The following SYT1 variants were observed in gnomAD, a reference collection of about 807,000 sequenced individuals.
SYT1 encodes the protein synaptotagmin 1.
SYT1 carries 8 observed loss-of-function variants against 44.8 expected under a neutral mutation model. That is an observed-to-expected ratio of 0.18 (90% CI 0.10 to 0.32). The LOEUF is 0.32. SYT1 is among the 10% of genes least tolerant of loss of function. The probability of loss-of-function intolerance (pLI) is 1.00; values close to 1 mark genes in which losing one functional copy is unlikely to be tolerated. For synonymous variants in SYT1, 154 were observed against 188.8 expected (o/e 0.82, Z 1.51); for missense variants, 286 against 509.3 (o/e 0.56, Z 4.22).
chr12:79,058,521 A>T (rs975180830), intron 3 of SYT1, among the ~76,000 whole-genome samples: 1 of 151,996 alleles, frequency 6.6e-6, no homozygotes, highest in Non-Finnish European at 1.5e-5. Context: ...TTTGGTTTCC[A>T]ATTTTCTAAC....
chr12:79,058,331 C>T (rs1379741764), intron 3 of SYT1, among the ~76,000 whole-genome samples: 1 of 152,054 alleles, frequency 6.6e-6, no homozygotes, highest in Non-Finnish European at 1.5e-5. Flanking sequence ...GTGAGAGGGA[C>T]ACAAGGAAAA....
At chr12:79,385,698 T>C (rs1018263824) in intron 9 of SYT1, among the ~76,000 whole-genome samples, 2 of 151,766 alleles carry the variant, frequency 1.3e-5, no homozygotes, top group Non-Finnish European at 2.9e-5. Context: ...GAAGGGAGCA[T>C]CAACCAACTG....
intron 3 of SYT1, among the ~76,000 whole-genome samples, chr12:79,061,989 A>C (rs2137847282): frequency 6.6e-6 from 1 of 152,304 alleles, no homozygotes; most frequent in East Asian, 1.9e-4. Flanking sequence ...TTTTTTAAAA[A>C]AGAATCCTTT....
chr12:79,277,006 G>C (rs1878775000), intron 4 of SYT1, among the ~76,000 whole-genome samples: 2 of 151,732 alleles, frequency 1.3e-5, no homozygotes, highest in African/African-American at 4.8e-5. Context: ...GAGGAGAAAA[G>C]GAAGAGGAAG....
intron 4 of SYT1, among the ~76,000 whole-genome samples, chr12:79,229,770 T>C (rs1450746588): frequency 6.6e-6 from 1 of 152,008 alleles, no homozygotes; most frequent in East Asian, 1.9e-4. Context: ...ATTTTTTGTA[T>C]TTTTAGTAGA....
At chr12:79,074,635 G>A (rs962273819) in intron 3 of SYT1, among the ~76,000 whole-genome samples, 2 of 152,118 alleles carry the variant, frequency 1.3e-5, no homozygotes, top group African/African-American at 4.8e-5. Flanking sequence ...CTTATGAACT[G>A]CGACATCCTA....
intron 2 of SYT1, among the ~76,000 whole-genome samples, chr12:79,020,011 A>G (rs1211026242): frequency 1.3e-5 from 2 of 151,976 alleles, no homozygotes; most frequent in Admixed American, 1.3e-4. Flanking sequence ...ATATGTCAAG[A>G]GAATGAATAC....
At chr12:79,210,652 T>G (rs1345921514) in intron 3 of SYT1, among the ~76,000 whole-genome samples, 2 of 152,232 alleles carry the variant, frequency 1.3e-5, no homozygotes, top group Non-Finnish European at 2.9e-5. Flanking sequence ...CATTGATTGA[T>G]GGACATTTGG....
chr12:79,020,190 T>C (rs1188238103), intron 2 of SYT1, among the ~76,000 whole-genome samples: 1 of 152,032 alleles, frequency 6.6e-6, no homozygotes, highest in Non-Finnish European at 1.5e-5. Context: ...AGTTTTTTAA[T>C]GTATGTTTCT....
At chr12:78,920,434 G>A (rs1007546613) in intron 1 of SYT1, among the ~76,000 whole-genome samples, 1 of 151,958 alleles carries the variant, frequency 6.6e-6, no homozygotes, top group Non-Finnish European at 1.5e-5. Flanking sequence ...TGAATGCACA[G>A]TATGGGTTAT....
chr12:79,275,731 C>T (rs1158828357), intron 4 of SYT1, among the ~76,000 whole-genome samples: 1 of 152,194 alleles, frequency 6.6e-6, no homozygotes, highest in Middle Eastern at 3.2e-3. Flanking sequence ...GCTTCAGCCA[C>T]AGGCAGTTCT....
chr12:79,059,382 A>G (rs996797090), intron 3 of SYT1, among the ~76,000 whole-genome samples: 13 of 152,126 alleles, frequency 8.5e-5, no homozygotes, highest in Non-Finnish European at 1.6e-4. Flanking sequence ...ACATGATTAT[A>G]TAATATTGTT....
At chr12:78,951,385 G>A (rs973703373) in intron 1 of SYT1, among the ~76,000 whole-genome samples, 7 of 152,002 alleles carry the variant, frequency 4.6e-5, no homozygotes, top group African/African-American at 7.2e-5. Flanking sequence ...ATATCTTCAC[G>A]TAGTAGTTAC....
At chr12:78,879,909 T>G (rs1026428061) in intron 1 of SYT1, among the ~76,000 whole-genome samples, 3 of 151,752 alleles carry the variant, frequency 2.0e-5, no homozygotes, top group African/African-American at 7.2e-5. Context: ...GGTTATGATG[T>G]TGGAGTGCTT....
At chr12:79,375,887 C>T (rs1174536354) in intron 9 of SYT1, among the ~76,000 whole-genome samples, 1 of 152,106 alleles carries the variant, frequency 6.6e-6, no homozygotes, top group African/African-American at 2.4e-5. Context: ...ATAAAGCCAA[C>T]CATCTCCCAC....
At chr12:79,055,436 CT>C (rs1874858504) in intron 3 of SYT1, among the ~76,000 whole-genome samples, 1 of 151,980 alleles carries the variant, frequency 6.6e-6, no homozygotes, top group Non-Finnish European at 1.5e-5. Flanking sequence ...GTTAATAAGA[CT>C]TTAAATCAAA....
intron 2 of SYT1, among the ~76,000 whole-genome samples, chr12:78,990,839 G>T (rs753212956): frequency 6.6e-6 from 1 of 152,102 alleles, no homozygotes; most frequent in Non-Finnish European, 1.5e-5. Context: ...GTTAATTTGG[G>T]GAAAATATGG....
intron 4 of SYT1, among the ~76,000 whole-genome samples, chr12:79,278,544 A>G (rs1878865474): frequency 6.6e-6 from 1 of 152,122 alleles, no homozygotes; most frequent in Non-Finnish European, 1.5e-5. Context: ...ACAATGCTTA[A>G]TGCCTACACA....
chr12:79,342,925 T>C (rs560676194), intron 8 of SYT1, among the ~76,000 whole-genome samples: 2 of 152,324 alleles, frequency 1.3e-5, no homozygotes, highest in Non-Finnish European at 2.9e-5. Flanking sequence ...AAACTAGAGA[T>C]ACAAACTGGA....
Sources: allele counts gnomAD v4.1 joint callset (sites outside exome capture counted in the v4.1 genomes callset), GRCh38; gene constraint gnomAD v4.1.1; transcripts MANE v1.5; gene names NCBI Gene and HGNC (gene_info 2026-07-23, HGNC 2026-07-21).